Variants in THADA observed in about 807,000 individuals in gnomAD.
The protein encoded by THADA is tRNA (32-2'-O)-methyltransferase regulator THADA.
A neutral mutation model predicts 219.8 loss-of-function variants in THADA; 213 were observed. The ratio of observed to expected loss-of-function variants is 0.97; its 90% CI spans 0.87 to 1.09. THADA has a LOEUF of 1.09. Ranked by LOEUF, THADA falls within the 50% of genes least tolerant of loss-of-function variation. THADA has a pLI of 0.00. For synonymous variants in THADA, 1,018 were observed against 828.9 expected (o/e 1.23, Z -3.92); for missense variants, 2,956 against 2,311.3 (o/e 1.28, Z -5.72).
intron 28 of THADA, among the ~76,000 whole-genome samples, chr2:43,400,487 AC>A: frequency 6.9e-6 from 1 of 145,458 alleles, no homozygotes; most frequent in Non-Finnish European, 1.5e-5. Context: ...AAATATATAC[AC>A]TAAGAAAAAA....
chr2:43,425,494 A>G (rs1283450803), intron 28 of THADA, among the ~76,000 whole-genome samples: 1 of 133,174 alleles, frequency 7.5e-6, no homozygotes, highest in Non-Finnish European at 1.6e-5. Flanking sequence ...GTGTGATGGT[A>G]TTAAATTTAA....
intron 1 of THADA, among the ~76,000 whole-genome samples, chr2:43,593,346 A>G (rs760123229): frequency 6.6e-6 from 1 of 152,208 alleles, no homozygotes; most frequent in Non-Finnish European, 1.5e-5. Context: ...GCCCAAGATG[A>G]CTGCCAAAAA....
chr2:43,451,239 C>G (rs1019992527), intron 26 of THADA, among the ~76,000 whole-genome samples: 4 of 152,148 alleles, frequency 2.6e-5, no homozygotes, highest in Non-Finnish European at 5.9e-5. Context: ...AAGCACAGAT[C>G]CTGAACTGCC....
intron 28 of THADA, among the ~76,000 whole-genome samples, chr2:43,407,134 A>T (rs775224321): frequency 2.0e-4 from 31 of 152,194 alleles, no homozygotes; most frequent in Non-Finnish European, 3.8e-4. Flanking sequence ...CTCAAAGGCC[A>T]AGTTCTCAAA....
intron 26 of THADA, among the ~76,000 whole-genome samples, chr2:43,444,738 G>C (rs959786491): frequency 2.0e-5 from 3 of 151,930 alleles, no homozygotes; most frequent in Non-Finnish European, 4.4e-5. Context: ...GGTGGGGGGG[G>C]AGGTATCCAC....
intron 20 of THADA, among the ~76,000 whole-genome samples, chr2:43,548,815 G>A (rs1026010018): frequency 1.1e-4 from 17 of 152,224 alleles, no homozygotes; most frequent in Non-Finnish European, 2.1e-4. Flanking sequence ...GACCCCTTGC[G>A]CTTCCCAAGT....
intron 28 of THADA, among the ~76,000 whole-genome samples, chr2:43,400,584 G>A (rs919137143): frequency 3.3e-5 from 5 of 151,602 alleles, no homozygotes; most frequent in African/African-American, 1.2e-4. Context: ...TAAGAGAATA[G>A]AAAATTAGAA....
At chr2:43,292,764 C>A in intron 32 of THADA, 70 bp downstream of exon 32, 1 of 1,545,844 alleles carries the variant, frequency 6.5e-7, no homozygotes, top group African/African-American at 1.4e-5. Context: ...CTTCATGATC[C>A]TACCATTCCA....
intron 26 of THADA, among the ~76,000 whole-genome samples, chr2:43,475,134 C>T (rs1041050824): frequency 2.0e-5 from 3 of 151,904 alleles, no homozygotes; most frequent in African/African-American, 2.4e-5. Context: ...TTTAGAAAGA[C>T]GGCTGGGCAT....
chr2:43,404,113 T>C (rs889963788), intron 28 of THADA, among the ~76,000 whole-genome samples: 2 of 152,232 alleles, frequency 1.3e-5, no homozygotes, highest in African/African-American at 4.8e-5. Context: ...TAGAGTAATG[T>C]CCTTTTACTC....
intron 26 of THADA, among the ~76,000 whole-genome samples, chr2:43,445,809 G>C (rs2104876464): frequency 6.6e-6 from 1 of 152,350 alleles, no homozygotes; most frequent in African/African-American, 2.4e-5. Context: ...AAGTAGCTGA[G>C]ACTACAGGCA....
intron 31 of THADA, among the ~76,000 whole-genome samples, chr2:43,311,738 G>T (rs1312414247): frequency 6.6e-6 from 1 of 152,182 alleles, no homozygotes; most frequent in Admixed American, 6.5e-5. Flanking sequence ...TTAAGTGAAA[G>T]AATCCACACA....
At chr2:43,564,053 C>A (rs909263998) in intron 15 of THADA, 1 of 152,196 alleles carries the variant, frequency 6.6e-6, no homozygotes, top group Non-Finnish European at 1.5e-5. Flanking sequence ...ATTATAGGTA[C>A]GCTTCAGCCT....
intron 14 of THADA, among the ~76,000 whole-genome samples, chr2:43,568,149 T>A (rs922637530): frequency 4.6e-5 from 7 of 152,226 alleles, no homozygotes; most frequent in Admixed American, 6.5e-5. Context: ...GAGCTTCAGC[T>A]TTCTCACTTG....
At chr2:43,390,235 G>A (rs1673195116) in intron 29 of THADA, among the ~76,000 whole-genome samples, 1 of 152,178 alleles carries the variant, frequency 6.6e-6, no homozygotes, top group Non-Finnish European at 1.5e-5. Flanking sequence ...GTCCCCAGCA[G>A]TCCTGGCATC....
chr2:43,539,304 C>T (rs1349832417), intron 21 of THADA, among the ~76,000 whole-genome samples: 7 of 152,216 alleles, frequency 4.6e-5, no homozygotes, highest in Non-Finnish European at 1.0e-4. Flanking sequence ...GTGGCCCAGC[C>T]ATTCCAATGT....
chr2:43,390,967 CA>C (rs548076077), intron 29 of THADA, among the ~76,000 whole-genome samples: 4 of 152,226 alleles, frequency 2.6e-5, no homozygotes, highest in South Asian at 4.1e-4. Flanking sequence ...GCTAACTGCA[CA>C]AGCTCAAAAG....
intron 24 of THADA, among the ~76,000 whole-genome samples, chr2:43,499,710 C>T (rs1484565412): frequency 6.6e-6 from 1 of 151,882 alleles, no homozygotes; most frequent in African/African-American, 2.4e-5. Flanking sequence ...CATTTTCAAG[C>T]ACATTAAACA....
chr2:43,557,234 A>G (rs181703884), intron 16 of THADA, among the ~76,000 whole-genome samples: 20 of 152,364 alleles, frequency 1.3e-4, no homozygotes, highest in Admixed American at 1.2e-3. Context: ...AATAATTTCA[A>G]TTGGGAAATT....
Sources: gnomAD v4.1 joint callset for allele counts (sites outside exome capture counted in the v4.1 genomes callset) on GRCh38, gnomAD v4.1.1 for gene constraint, MANE v1.5 for transcripts, NCBI Gene and HGNC (gene_info 2026-07-23, HGNC 2026-07-21) for gene names.